Variants in CNTNAP2 observed in about 807,000 individuals in gnomAD.
CNTNAP2 encodes the protein contactin associated protein 2, also known as contactin-associated protein-like 2.
A neutral mutation model predicts 155.2 loss-of-function variants in CNTNAP2; 98 were observed. The observed-to-expected ratio is 0.63, with a 90% confidence interval of 0.54 to 0.75. The LOEUF (loss-of-function observed/expected upper bound fraction) is 0.75. Among genes scored for constraint, CNTNAP2 ranks in the 30% least tolerant of loss-of-function variants. The pLI, the probability that CNTNAP2 is intolerant of heterozygous loss-of-function variation, is 0.00. For missense variants in CNTNAP2, 1,727 were observed against 1,688.1 expected, an observed-to-expected ratio of 1.02 and a Z score of -0.40; for synonymous variants, 651 against 631.2, an observed-to-expected ratio of 1.03 and a Z score of -0.47.
At chr7:147,208,068 G>A (rs188253474) in intron 8 of CNTNAP2, among the ~76,000 whole-genome samples, 1 of 152,162 alleles carries the variant, frequency 6.6e-6, no homozygotes, top group East Asian at 1.9e-4. Context: ...AACAAAACAA[G>A]CAGTACATGA....
chr7:148,164,752 C>T (rs561525208), intron 17 of CNTNAP2, among the ~76,000 whole-genome samples: 1 of 151,548 alleles, frequency 6.6e-6, no homozygotes, highest in South Asian at 2.1e-4. Flanking sequence ...TCCTGAGTAG[C>T]TGGGACTACA....
intron 1 of CNTNAP2, among the ~76,000 whole-genome samples, chr7:146,299,883 A>G (rs1182182984): frequency 6.6e-6 from 1 of 152,232 alleles, no homozygotes; most frequent in Non-Finnish European, 1.5e-5. Flanking sequence ...GAATAAGTTC[A>G]GATATGAAGA....
chr7:148,234,069 A>T (rs984430342), intron 20 of CNTNAP2, among the ~76,000 whole-genome samples: 1 of 152,206 alleles, frequency 6.6e-6, no homozygotes, highest in African/African-American at 2.4e-5. Flanking sequence ...GAGTCAATTA[A>T]ACCTCTTTTC....
rs548521489 is a variant in CNTNAP2, at chr7:146,735,228, G to A, written c.98-39043G>A. Among the ~76,000 whole-genome samples the A allele has an allele frequency of 2.0e-5, 3 of 152,230 alleles. No homozygotes were observed. The South Asian group carries it at 6.2e-4, about 32-fold the overall frequency. On this transcript the variant is annotated intron_variant, in intron 1 of 23. Transcript: ENST00000361727. ...AAATGCCATTCTTACCAGAAAACCAGTCAATATGGTTTTACATTAGAGCTT... is the reference window on the plus strand; with the variant it reads ...AAATGCCATTCTTACCAGAAAACCAATCAATATGGTTTTACATTAGAGCTT...
chr7:147,246,682 A>G (rs977218088), intron 8 of CNTNAP2, among the ~76,000 whole-genome samples: 25 of 152,164 alleles, frequency 1.6e-4, no homozygotes, highest in Admixed American at 3.9e-4. Flanking sequence ...AGGTACGCAA[A>G]CATTCAGATC....
chr7:146,257,387 CTG>C (rs994558826), intron 1 of CNTNAP2, among the ~76,000 whole-genome samples: 16 of 152,300 alleles, frequency 1.1e-4, no homozygotes, highest in African/African-American at 3.6e-4. Flanking sequence ...GTTTCCCTTT[CTG>C]TGTCAGTAAG....
chr7:147,581,444 C>G (rs923134737), intron 12 of CNTNAP2, among the ~76,000 whole-genome samples: 2 of 152,174 alleles, frequency 1.3e-5, no homozygotes, highest in African/African-American at 4.8e-5. Flanking sequence ...CAATTCCAAT[C>G]AAAATGCTCC....
chr7:146,721,547 T>TATTCTATATAC (rs1369260354), intron 1 of CNTNAP2, among the ~76,000 whole-genome samples: 2 of 123,860 alleles, frequency 1.6e-5, no homozygotes, highest in Non-Finnish European at 3.1e-5. Context: ...ATTCTATATA[T>TATTCTATATAC]ATTCTATATA....
intron 17 of CNTNAP2, among the ~76,000 whole-genome samples, chr7:148,152,366 G>A (rs2116659671): frequency 6.6e-6 from 1 of 152,098 alleles, no homozygotes; most frequent in Non-Finnish European, 1.5e-5. Context: ...CTCATGTGCT[G>A]AGTCTGCCTC....
chr7:146,842,886 C>T (rs558453370), intron 3 of CNTNAP2, among the ~76,000 whole-genome samples: 3 of 149,994 alleles, frequency 2.0e-5, no homozygotes, highest in East Asian at 4.0e-4. Flanking sequence ...GGGGTTTCAC[C>T]GAGTTAGCCA....
At position 148,349,998 on chromosome 7, in the gene CNTNAP2, G is replaced by A. The variant is rs930107547; in HGVS notation, c.3476-33651G>A. ...ATTATGAGTTGATGGGAGGTCAGTG[G>A]AGGGCTTTGATGTATCATTTTGGCC... On this transcript the variant is annotated intron_variant, in intron 21 of 23. Coordinates refer to ENST00000361727, the MANE Select transcript of CNTNAP2 (RefSeq NM_014141.6). Among the ~76,000 whole-genome samples the A allele has an allele frequency of 2.0e-5, 3 of 152,340 alleles. No individual in the cohort carries two copies. In the East Asian group the frequency reaches 5.8e-4, roughly 29 times the overall value.
At chr7:148,407,374 T>C (rs1799726370) in intron 22 of CNTNAP2, among the ~76,000 whole-genome samples, 1 of 152,070 alleles carries the variant, frequency 6.6e-6, no homozygotes, top group Admixed American at 6.6e-5. Flanking sequence ...ACATGTTGGC[T>C]CTCCCCATTT....
chr7:146,468,664 G>A (rs1034969415), intron 1 of CNTNAP2, among the ~76,000 whole-genome samples: 2 of 151,902 alleles, frequency 1.3e-5, no homozygotes, highest in Non-Finnish European at 1.5e-5. Flanking sequence ...AAAGAATTTC[G>A]ACAAAGAAAT....
chr7:146,974,968 T>C (rs1402894852), intron 3 of CNTNAP2, among the ~76,000 whole-genome samples: 1 of 151,936 alleles, frequency 6.6e-6, no homozygotes, highest in Non-Finnish European at 1.5e-5. Flanking sequence ...AGAGACTCTA[T>C]CTAAAAAAAC....
chr7:147,423,051 G>A (rs1050875858), intron 10 of CNTNAP2, among the ~76,000 whole-genome samples: 7 of 152,150 alleles, frequency 4.6e-5, no homozygotes, highest in African/African-American at 1.7e-4. Flanking sequence ...AACAGATGCT[G>A]GAACTGAATA....
intron 1 of CNTNAP2, among the ~76,000 whole-genome samples, chr7:146,231,453 A>G (rs1371250321): frequency 6.6e-6 from 1 of 152,158 alleles, no homozygotes; most frequent in African/African-American, 2.4e-5. Context: ...TTAAACATCG[A>G]CCTGCTTATA....
intron 2 of CNTNAP2, among the ~76,000 whole-genome samples, chr7:146,794,945 T>A (rs1044500668): frequency 6.6e-6 from 1 of 152,340 alleles, no homozygotes; most frequent in African/African-American, 2.4e-5. Flanking sequence ...AGTTCTGCTC[T>A]AAAATGCAGC....
intron 12 of CNTNAP2, among the ~76,000 whole-genome samples, chr7:147,575,275 T>A (rs1800371381): frequency 7.0e-6 from 1 of 143,316 alleles, no homozygotes; most frequent in African/African-American, 2.7e-5. Flanking sequence ...GCTTTAGGAG[T>A]ACGCATATGT....
At chr7:147,130,095 T>C (rs1419915806) in intron 7 of CNTNAP2, among the ~76,000 whole-genome samples, 1 of 152,050 alleles carries the variant, frequency 6.6e-6, no homozygotes, top group Non-Finnish European at 1.5e-5. Flanking sequence ...AAAAATAACT[T>C]TTATTTTATG....
Sources: allele counts gnomAD v4.1 joint callset (sites outside exome capture counted in the v4.1 genomes callset), GRCh38; gene constraint gnomAD v4.1.1; transcripts MANE v1.5; gene names NCBI Gene and HGNC (gene_info 2026-07-23, HGNC 2026-07-21).